Variants in KHDRBS2 observed in about 807,000 individuals in gnomAD.
KHDRBS2 encodes the protein KH RNA binding domain containing, signal transduction associated 2.
Under a neutral mutation model 44.3 loss-of-function variants are expected in KHDRBS2, and 26 were observed. That is an observed-to-expected ratio of 0.59 (90% CI 0.43 to 0.81). The LOEUF (loss-of-function observed/expected upper bound fraction) is 0.81, where lower values mean the gene tolerates loss of function less well. Among genes scored for constraint, KHDRBS2 ranks in the 40% least tolerant of loss-of-function variants. The probability of loss-of-function intolerance (pLI) is 0.00; values close to 1 mark genes in which losing one functional copy is unlikely to be tolerated. For missense variants in KHDRBS2, 476 were observed against 433.1 expected (o/e 1.10, Z -0.88); for synonymous variants, 194 against 151.1 (o/e 1.28, Z -2.08).
At chr6:61,727,522 A>ATT (rs1340656362) in intron 7 of KHDRBS2, among the ~76,000 whole-genome samples, 1 of 152,082 alleles carries the variant, frequency 6.6e-6, no homozygotes, top group Non-Finnish European at 1.5e-5. Context: ...TGGAAGAAAA[A>ATT]TTTTGCAACC....
At chr6:62,071,919 A>G (rs1235834894) in intron 2 of KHDRBS2, among the ~76,000 whole-genome samples, 1 of 152,106 alleles carries the variant, frequency 6.6e-6, no homozygotes, top group African/African-American at 2.4e-5. Flanking sequence ...TGAATCTATA[A>G]ATTACCTTGG....
chr6:62,209,515 A>G (rs969805558), intron 1 of KHDRBS2, among the ~76,000 whole-genome samples: 1 of 146,248 alleles, frequency 6.8e-6, no homozygotes, highest in African/African-American at 2.6e-5. Context: ...ACCATTATAA[A>G]TTGAGAATGC....
At chr6:61,596,236 C>A in the KHDRBS2 span, among the ~76,000 whole-genome samples, 2 of 152,096 alleles carry the variant, frequency 1.3e-5, no homozygotes, top group Admixed American at 6.5e-5. Flanking sequence ...ATGGAAAAAC[C>A]AAACAAATAT....
the KHDRBS2 span, among the ~76,000 whole-genome samples, chr6:61,612,068 C>G: frequency 6.6e-6 from 1 of 152,108 alleles, no homozygotes; most frequent in Non-Finnish European, 1.5e-5. Flanking sequence ...TAACTTCTGT[C>G]TTGTCATGGC....
At chr6:62,101,980 T>A (rs1352191471) in intron 2 of KHDRBS2, among the ~76,000 whole-genome samples, 1 of 152,200 alleles carries the variant, frequency 6.6e-6, no homozygotes, top group South Asian at 2.1e-4. Context: ...TATCTGTGGA[T>A]CTTTTTCCTT....
intron 3 of KHDRBS2, among the ~76,000 whole-genome samples, chr6:62,019,352 T>C (rs1781827529): frequency 2.0e-5 from 3 of 152,150 alleles, no homozygotes; most frequent in Admixed American, 2.0e-4. Flanking sequence ...TTTTACCAAG[T>C]ACTTTTCATG....
At chr6:62,114,606 G>C (rs187915035) in intron 2 of KHDRBS2, among the ~76,000 whole-genome samples, 15 of 152,092 alleles carry the variant, frequency 9.9e-5, no homozygotes, top group African/African-American at 3.1e-4. Flanking sequence ...CAGAAATCTT[G>C]GTATTATAAA....
chr6:62,006,119 G>A (rs1450928814), intron 3 of KHDRBS2, among the ~76,000 whole-genome samples: 2 of 151,962 alleles, frequency 1.3e-5, no homozygotes, highest in Non-Finnish European at 2.9e-5. Flanking sequence ...TAAATCTCGT[G>A]CAGGATAAAT....
intron 1 of KHDRBS2, among the ~76,000 whole-genome samples, chr6:62,185,688 C>T (rs1823278634): frequency 6.6e-6 from 1 of 151,872 alleles, no homozygotes; most frequent in Non-Finnish European, 1.5e-5. Context: ...AGATAGTTAA[C>T]TGTTTTAATC....
At chr6:61,599,652 T>G in the KHDRBS2 span, among the ~76,000 whole-genome samples, 5 of 152,188 alleles carry the variant, frequency 3.3e-5, no homozygotes, top group Non-Finnish European at 5.9e-5. Context: ...AGGATTGAAC[T>G]TTCCCAGGAT....
At chr6:62,148,736 T>C (rs1324262759) in intron 2 of KHDRBS2, among the ~76,000 whole-genome samples, 1 of 152,066 alleles carries the variant, frequency 6.6e-6, no homozygotes, top group African/African-American at 2.4e-5. Context: ...CCTTACAATG[T>C]AAATTGATAG....
chr6:61,885,761 CAAAG>C (rs796696077), intron 6 of KHDRBS2, among the ~76,000 whole-genome samples: 8 of 152,152 alleles, frequency 5.3e-5, no homozygotes, highest in African/African-American at 1.9e-4. Flanking sequence ...ACTTTTGCAA[CAAAG>C]AGAGATGACC....
At chr6:61,951,838 T>A (rs996039435) in intron 4 of KHDRBS2, among the ~76,000 whole-genome samples, 1 of 151,788 alleles carries the variant, frequency 6.6e-6, no homozygotes, top group African/African-American at 2.4e-5. Flanking sequence ...TTGTTGAGAT[T>A]TTTTTTTAGT....
intron 3 of KHDRBS2, among the ~76,000 whole-genome samples, chr6:62,047,549 C>A (rs1338863444): frequency 1.3e-5 from 2 of 151,500 alleles, no homozygotes; most frequent in Admixed American, 6.6e-5. Context: ...GAAAAAGGAA[C>A]CAGCGAGGGA....
chr6:61,581,132 C>T, the KHDRBS2 span, among the ~76,000 whole-genome samples: 1 of 152,188 alleles, frequency 6.6e-6, no homozygotes, highest in Non-Finnish European at 1.5e-5. Context: ...CTCTCTGCTT[C>T]ACTCAGGCTG....
rs114648398 is a variant in KHDRBS2, at chr6:62,224,565, C to T, written c.92-47253G>A. ...AACTGAGAAATGTAATATCATTTTT[C>T]GCACTGGCACCATCCTACGGATTTC... On this transcript the variant is annotated intron_variant, in intron 1 of 8. Coordinates refer to ENST00000281156, the MANE Select transcript of KHDRBS2 (RefSeq NM_152688.4). Among the ~76,000 whole-genome samples, 1,221 of 152,236 alleles carry T rather than the reference C, an allele frequency of 8.0e-3. 16 individuals carry two copies. Among genetic ancestry groups the T allele is most frequent in the African/African-American group, 0.027 (1,133 of 41,532 alleles).
intron 4 of KHDRBS2, among the ~76,000 whole-genome samples, chr6:61,905,892 A>G (rs1410190132): frequency 2.4e-5 from 3 of 125,704 alleles, no homozygotes; most frequent in Non-Finnish European, 4.7e-5. Flanking sequence ...GTCTCACTCT[A>G]TCGCTCAGGC....
At chr6:61,858,398 A>AAGTTTTTTTATTTCTCAATATT in intron 6 of KHDRBS2, among the ~76,000 whole-genome samples, 1 of 151,886 alleles carries the variant, frequency 6.6e-6, no homozygotes, top group Admixed American at 6.6e-5. Context: ...AATCTGGCAT[A>AAGTTTTTTTATTTCTCAATATT]AGTTTTTTTA....
chr6:61,612,407 T>C, the KHDRBS2 span, among the ~76,000 whole-genome samples: 2 of 152,186 alleles, frequency 1.3e-5, no homozygotes, highest in Admixed American at 1.3e-4. Context: ...ATATAGACCT[T>C]ATGGTCATTT....
Sources: gnomAD v4.1 joint callset for allele counts (sites outside exome capture counted in the v4.1 genomes callset) on GRCh38, gnomAD v4.1.1 for gene constraint, MANE v1.5 for transcripts, NCBI Gene and HGNC (gene_info 2026-07-23, HGNC 2026-07-21) for gene names.